Variants in KIF13A observed in about 807,000 individuals in gnomAD.
KIF13A encodes the protein kinesin family member 13A.
Under a neutral mutation model 212.2 loss-of-function variants are expected in KIF13A, and 79 were observed. The ratio of observed to expected loss-of-function variants is 0.37; its 90% CI spans 0.31 to 0.45. The LOEUF is 0.45. Ranked by LOEUF, KIF13A falls within the 20% of genes least tolerant of loss-of-function variation. The pLI is 1.00. For synonymous variants in KIF13A, 789 were observed against 808.6 expected, an observed-to-expected ratio of 0.98 and a Z score of 0.41; for missense variants, 1,901 against 2,209.0, an observed-to-expected ratio of 0.86 and a Z score of 2.79.
At chr6:17,808,142 T>C (rs1315368523) in intron 18 of KIF13A, among the ~76,000 whole-genome samples, 1 of 152,152 alleles carries the variant, frequency 6.6e-6, no homozygotes, top group African/African-American at 2.4e-5. Context: ...ATCCTAGCAC[T>C]CTGGGAGACT....
chr6:17,867,599 T>A (rs1405287373), intron 4 of KIF13A, among the ~76,000 whole-genome samples: 1 of 152,154 alleles, frequency 6.6e-6, no homozygotes, highest in East Asian at 1.9e-4. Flanking sequence ...AGCCACACAG[T>A]TGGGAAGTGG....
intron 2 of KIF13A, among the ~76,000 whole-genome samples, chr6:17,970,923 A>G (rs963741693): frequency 6.6e-6 from 1 of 152,242 alleles, no homozygotes; most frequent in African/African-American, 2.4e-5. Flanking sequence ...CAAATAAGAG[A>G]TTTCCAAGGG....
In KIF13A at chr6:17,914,122, C is replaced by T. The variant is rs995178144; in HGVS notation, c.147-15942G>A. Among the ~76,000 whole-genome samples, 4 of 152,156 alleles carry T rather than the reference C, an allele frequency of 2.6e-5. No individual in the cohort carries two copies. The highest frequency in any genetic ancestry group is 6.5e-5 in the Admixed American group (1 of 15,270). On this transcript the variant is annotated intron_variant, in intron 2 of 38. Transcript: ENST00000259711. This position sits in a 1 kb window ranked among gnomAD's most constrained non-coding sequence, Gnocchi z 5.9. Reference sequence around the variant, plus strand: ...CCTTTATCACAGATGTTTCGAGAAGCACATAATCCAAGGCCATTTCTTAGT... The same window carrying T: ...CCTTTATCACAGATGTTTCGAGAAGTACATAATCCAAGGCCATTTCTTAGT...
At chr6:17,910,337 C>A (rs1163069983) in intron 2 of KIF13A, among the ~76,000 whole-genome samples, 1 of 152,148 alleles carries the variant, frequency 6.6e-6, no homozygotes, top group African/African-American at 2.4e-5. Flanking sequence ...GAAAAGCTGG[C>A]AATAAAAGGT....
chr6:17,780,441 T>G (rs1231562692), intron 31 of KIF13A, among the ~76,000 whole-genome samples: 1 of 152,234 alleles, frequency 6.6e-6, no homozygotes, highest in Admixed American at 6.5e-5. Context: ...TGGCACTTAA[T>G]CTCTCAGCCT....
At chr6:17,909,628 C>T (rs1773855050) in intron 2 of KIF13A, among the ~76,000 whole-genome samples, 1 of 151,798 alleles carries the variant, frequency 6.6e-6, no homozygotes, top group Admixed American at 6.6e-5. Flanking sequence ...GGTATGGTGG[C>T]TCATGCCTGT....
chr6:17,957,215 C>T (rs1190226401), intron 2 of KIF13A, among the ~76,000 whole-genome samples: 1 of 152,134 alleles, frequency 6.6e-6, no homozygotes, highest in East Asian at 1.9e-4. Context: ...TCAATCATGT[C>T]TATATAACAA....
chr6:17,956,230 A>G (rs921446451), intron 2 of KIF13A, among the ~76,000 whole-genome samples: 3 of 152,214 alleles, frequency 2.0e-5, no homozygotes, highest in East Asian at 1.9e-4. Context: ...TCACACAGTA[A>G]TAAGTGAAAA....
intron 2 of KIF13A, among the ~76,000 whole-genome samples, chr6:17,980,222 A>G (rs1235177240): frequency 6.6e-6 from 1 of 152,226 alleles, no homozygotes; most frequent in African/African-American, 2.4e-5. Context: ...AGACAGTGGA[A>G]TAATGTCTTT....
At chr6:17,847,716 A>G (rs1767217821) in intron 9 of KIF13A, among the ~76,000 whole-genome samples, 1 of 152,208 alleles carries the variant, frequency 6.6e-6, no homozygotes, top group Admixed American at 6.5e-5. Context: ...CAGCTATAAC[A>G]GTTAATTTTT....
In KIF13A at chr6:17,777,373, GA is replaced by G. The variant is rs1212448639; in HGVS notation, c.4093-20del. The G allele has an allele frequency of 6.4e-7, 1 of 1,569,732 alleles. No individual in the cohort carries two copies. The highest frequency in any genetic ancestry group is 1.8e-5 in the Admixed American group (1 of 55,228). On this transcript the variant is annotated intron_variant, in intron 33 of 38. Coordinates refer to ENST00000259711, the MANE Select transcript of KIF13A (RefSeq NM_022113.6). This position sits in a 1 kb window ranked among gnomAD's most constrained non-coding sequence, Gnocchi z 4.4. ...TGACGGCCTGTAAACATAATAATTT[GA>G]AAATAACACTTTTTTTTTTTTTCCC...
rs200546188 is a variant in KIF13A at position 17,825,912 on chromosome 6, G to A, written c.1642C>T (p.Arg548Cys). The A allele has an allele frequency of 1.2e-4, 198 of 1,613,922 alleles. No homozygotes were observed. The East Asian group carries it at 1.4e-3, about 11-fold the overall frequency. ...FFRINLPKRKRRDWLKDFEKE... is the reference protein window; with the variant it reads ...FFRINLPKRKCRDWLKDFEKE... ...TCAAAGTCTTTCAACCAATCTCGAC[G>A]TTTCCTCTTAGGTAAGTTTATTCTG... The change falls in exon 16 of 39, where the codon CGT (arginine) becomes TGT (cysteine). Residue 548 changes from arginine (R) to cysteine (C), a missense_variant. Physicochemically the swap from Arg to Cys is radical, Grantham distance 180 (BLOSUM62 -3). Transcript: ENST00000259711. This position sits in a 1 kb window ranked among gnomAD's most constrained non-coding sequence, Gnocchi z 4.5.
At chr6:17,923,437 C>T (rs764403769) in intron 2 of KIF13A, among the ~76,000 whole-genome samples, 6 of 151,826 alleles carry the variant, frequency 4.0e-5, no homozygotes, top group Admixed American at 6.6e-5. Flanking sequence ...AGAATGCCCC[C>T]GGAATTCAGT....
chr6:17,983,286 T>C (rs1781250595), intron 2 of KIF13A, among the ~76,000 whole-genome samples: 2 of 151,858 alleles, frequency 1.3e-5, no homozygotes, highest in Non-Finnish European at 2.9e-5. Flanking sequence ...AAAAAAGGCA[T>C]GAGAACTAAA....
At position 17,934,370 on chromosome 6, in the gene KIF13A, C is replaced by CTAA. The variant is rs1356053236; in HGVS notation, c.147-36193_147-36191dup. Among the ~76,000 whole-genome samples, 1 of 152,184 alleles carries CTAA rather than the reference C, an allele frequency of 6.6e-6. No individual in the cohort carries two copies. Among genetic ancestry groups the CTAA allele is most frequent in the Non-Finnish European group, 1.5e-5 (1 of 68,034 alleles). On this transcript the variant is annotated intron_variant, in intron 2 of 38. Transcript: ENST00000259711. This position sits in a 1 kb window ranked among gnomAD's most constrained non-coding sequence, Gnocchi z 5.4. ...AGAGCGGCTGAACACCATCCCATTC[C>CTAA]TAATTAGGAACTTTCAACTCTCCCT...
Position 17,785,369 on chromosome 6 carries a change from A to G in KIF13A, c.3488+146T>C. ...GGTGGGGAAGGAAAAAAAGGGATGGAAGCATTAGAGATGAGTGGACATTCC... is the reference window on the plus strand; with the variant it reads ...GGTGGGGAAGGAAAAAAAGGGATGGGAGCATTAGAGATGAGTGGACATTCC... On this transcript the variant is annotated intron_variant, in intron 28 of 38. Transcript: ENST00000259711. The surrounding 1 kb of genome is among the most constrained non-coding windows in gnomAD (Gnocchi z 5.8). The G allele has an allele frequency of 2.3e-6, 2 of 878,650 alleles. No homozygotes were observed. The highest frequency in any genetic ancestry group is 3.2e-6 in the Non-Finnish European group (2 of 622,234). 54.4% of individuals were successfully genotyped at this position (878,650 alleles called of 1,614,324 possible).
At position 17,781,257 on chromosome 6, in the gene KIF13A, A is replaced by G; in HGVS notation, c.3589T>C (p.Ser1197Pro). 1 of 1,613,536 alleles carries G rather than the reference A, an allele frequency of 6.2e-7. No individual in the cohort carries two copies. Among genetic ancestry groups the G allele is most frequent in the Non-Finnish European group, 8.5e-7 (1 of 1,179,716 alleles). The change falls in exon 30 of 39, where the codon TCC becomes CCC. Residue 1197 changes from serine to proline, a missense_variant. Physicochemically the swap from Ser to Pro is moderately conservative, Grantham distance 74. Coordinates refer to ENST00000259711, the MANE Select transcript of KIF13A (RefSeq NM_022113.6). Reference protein sequence around the residue: ...ANEQLVGPHASGVNSILPKEH... With the variant: ...ANEQLVGPHAPGVNSILPKEH... ...TTGGGCAGGATGGAGTTCACGCCGG[A>G]TGCATGGGGGCCAACAAGCTGCTCA...
chr6:17,852,659 C>A (rs1333537993), intron 6 of KIF13A, among the ~76,000 whole-genome samples: 1 of 152,186 alleles, frequency 6.6e-6, no homozygotes, highest in African/African-American at 2.4e-5. Flanking sequence ...CTCAAGCAAT[C>A]CTCCAGCCTC....
In KIF13A at chr6:17,781,675, T is replaced by C. The variant is rs901642228; in HGVS notation, c.3545-374A>G. Among the ~76,000 whole-genome samples, 3 of 148,732 alleles carry C rather than the reference T, an allele frequency of 2.0e-5. No individual in the cohort carries two copies. The Admixed American group carries it at 2.1e-4, about 10-fold the overall frequency. On this transcript the variant is annotated intron_variant, in intron 29 of 38. Transcript: ENST00000259711. The stretch of plus-strand genomic sequence containing the variant: ...CAAGGTCTTGCTCTGTTGCTGATGC[T>C]TGAGTGCACGGCCTGATCATAGCTC...
Sources: allele counts gnomAD v4.1 joint callset (sites outside exome capture counted in the v4.1 genomes callset), GRCh38; gene constraint gnomAD v4.1.1; non-coding constraint Gnocchi (gnomAD v3.1); transcripts MANE v1.5; gene names NCBI Gene and HGNC (gene_info 2026-07-23, HGNC 2026-07-21).